NLGN1: variants seen among roughly 807,000 people sequenced by gnomAD.
NLGN1 encodes the protein neuroligin-1.
Under a neutral mutation model 65.5 loss-of-function variants are expected in NLGN1, and 12 were observed. That is an observed-to-expected ratio of 0.18 (90% CI 0.12 to 0.30). NLGN1 has a LOEUF of 0.30. Ranked by LOEUF, NLGN1 falls within the 10% of genes least tolerant of loss-of-function variation. The pLI, the probability that NLGN1 is intolerant of heterozygous loss-of-function variation, is 1.00. For synonymous variants in NLGN1, 350 were observed against 359.5 expected (o/e 0.97, Z 0.30); for missense variants, 750 against 1,007.1 (o/e 0.74, Z 3.46).
intron 2 of NLGN1, among the ~76,000 whole-genome samples, chr3:173,446,267 A>G (rs1183929509): frequency 7.6e-6 from 1 of 132,408 alleles, no homozygotes; most frequent in Non-Finnish European, 1.6e-5. Context: ...TCCTGTGTCC[A>G]TGTGTTCTCA....
At chr3:174,189,711 A>C (rs1031084954) in intron 4 of NLGN1, among the ~76,000 whole-genome samples, 2 of 133,522 alleles carry the variant, frequency 1.5e-5, no homozygotes, top group African/African-American at 5.6e-5. Context: ...AGTATCCATA[A>C]GTAGTTTGTT....
At chr3:174,248,605 T>A (rs1577577282) in intron 4 of NLGN1, among the ~76,000 whole-genome samples, 1 of 151,672 alleles carries the variant, frequency 6.6e-6, no homozygotes, top group South Asian at 2.1e-4. Flanking sequence ...ACTAAAAATA[T>A]AAAAAATTAG....
rs182443979 is a variant in NLGN1 at position 174,014,553 on chromosome 3, C to A, written c.646+206721C>A. 6.6e-5 allele frequency among the ~76,000 whole-genome samples: 10 copies of A among 152,294 alleles called. No homozygotes were observed. In the East Asian group the frequency reaches 1.9e-3, roughly 29 times the overall value. ...TCTATTAAATGCTTATTACCATCTTCCCATATTAGGTTATATTGCACTCTT... is the reference window on the plus strand; with the variant it reads ...TCTATTAAATGCTTATTACCATCTTACCATATTAGGTTATATTGCACTCTT... On this transcript the variant is annotated intron_variant, in intron 4 of 6. Coordinates refer to ENST00000457714, the Ensembl canonical transcript of NLGN1.
intron 4 of NLGN1, among the ~76,000 whole-genome samples, chr3:174,015,331 G>A (rs1441068596): frequency 1.3e-5 from 2 of 152,092 alleles, no homozygotes; most frequent in Admixed American, 6.6e-5. Context: ...GAACTCTGAG[G>A]TCAGAGAGGC....
At chr3:173,873,679 C>G (rs1731603577) in intron 4 of NLGN1, among the ~76,000 whole-genome samples, 1 of 152,106 alleles carries the variant, frequency 6.6e-6, no homozygotes, top group Admixed American at 6.5e-5. Context: ...GTTAGAATGG[C>G]CTGATCATCT....
At chr3:174,067,683 G>C (rs375414632) in intron 4 of NLGN1, among the ~76,000 whole-genome samples, 115 of 152,238 alleles carry the variant, frequency 7.6e-4, no homozygotes, top group African/African-American at 2.6e-3. Context: ...GTGCAGATCA[G>C]TTCTATTTAG....
chr3:173,483,682 A>G (rs1025973553), intron 2 of NLGN1, among the ~76,000 whole-genome samples: 2 of 152,010 alleles, frequency 1.3e-5, no homozygotes, highest in Non-Finnish European at 2.9e-5. Flanking sequence ...GAGAAAAAAG[A>G]TTTGCTGATA....
chr3:173,979,805 C>G (rs2152390933), intron 4 of NLGN1, among the ~76,000 whole-genome samples: 1 of 152,154 alleles, frequency 6.6e-6, no homozygotes, highest in South Asian at 2.1e-4. Flanking sequence ...TGCATGTATC[C>G]AGATGAGTAG....
At chr3:173,754,608 T>C (rs1430284398) in intron 3 of NLGN1, among the ~76,000 whole-genome samples, 1 of 152,134 alleles carries the variant, frequency 6.6e-6, no homozygotes, top group African/African-American at 2.4e-5. Flanking sequence ...ACTTAACATA[T>C]AGTAGACACT....
intron 1 of NLGN1, among the ~76,000 whole-genome samples, chr3:173,423,974 C>T (rs1475618106): frequency 1.3e-5 from 2 of 152,166 alleles, no homozygotes; most frequent in African/African-American, 4.8e-5. Flanking sequence ...TTTTATACAT[C>T]CTCTGAAATC....
intron 4 of NLGN1, among the ~76,000 whole-genome samples, chr3:173,812,771 ATG>A (rs1254426830): frequency 4.4e-4 from 63 of 144,406 alleles, no homozygotes; most frequent in African/African-American, 1.4e-3. Context: ...ATATATATAT[ATG>A]TGTGTGTATA....
At chr3:174,262,084 G>A (rs888067109) in intron 4 of NLGN1, among the ~76,000 whole-genome samples, 2 of 126,238 alleles carry the variant, frequency 1.6e-5, no homozygotes, top group African/African-American at 6.7e-5. Context: ...GATTCGTTTT[G>A]CCAGTATTTT....
intron 4 of NLGN1, among the ~76,000 whole-genome samples, chr3:173,896,234 A>G (rs959207923): frequency 1.3e-5 from 2 of 151,416 alleles, no homozygotes; most frequent in Non-Finnish European, 2.9e-5. Context: ...GTGCTTCTTA[A>G]TCTGTTTCCA....
At chr3:173,412,236 A>G (rs532021) in intron 1 of NLGN1, among the ~76,000 whole-genome samples, 16,560 of 152,080 alleles carry the variant, frequency 0.11, 1,176 homozygotes, top group Admixed American at 0.16. Context: ...ATGCTACCAA[A>G]AATAAAGAAT....
At chr3:174,245,611 A>T (rs778038390) in intron 4 of NLGN1, among the ~76,000 whole-genome samples, 3 of 152,156 alleles carry the variant, frequency 2.0e-5, no homozygotes, top group Non-Finnish European at 2.9e-5. Flanking sequence ...ATACATGTAA[A>T]ATTATCTCTA....
chr3:173,664,898 C>A (rs1761483607), intron 3 of NLGN1, among the ~76,000 whole-genome samples: 1 of 152,010 alleles, frequency 6.6e-6, no homozygotes, highest in Non-Finnish European at 1.5e-5. Context: ...AAACACTCCC[C>A]AAAATGCTCT....
chr3:174,068,232 A>C (rs1011557744), intron 4 of NLGN1, among the ~76,000 whole-genome samples: 1 of 152,054 alleles, frequency 6.6e-6, no homozygotes, highest in Non-Finnish European at 1.5e-5. Context: ...TCTTGAGGAC[A>C]CATTAGGTAG....
intron 3 of NLGN1, among the ~76,000 whole-genome samples, chr3:173,773,533 CT>C (rs1302555578): frequency 6.6e-6 from 1 of 151,916 alleles, no homozygotes; most frequent in Non-Finnish European, 1.5e-5. Flanking sequence ...TTTAACTTAC[CT>C]GTTTGTAATA....
intron 3 of NLGN1, among the ~76,000 whole-genome samples, chr3:173,791,345 A>C (rs981639085): frequency 6.6e-6 from 1 of 152,124 alleles, no homozygotes; most frequent in Non-Finnish European, 1.5e-5. Context: ...TCCTTACTTT[A>C]CATCTGGTTA....
Sources: allele counts gnomAD v4.1 joint callset (sites outside exome capture counted in the v4.1 genomes callset), GRCh38; gene constraint gnomAD v4.1.1; transcripts MANE v1.5; gene names NCBI Gene and HGNC (gene_info 2026-07-23, HGNC 2026-07-21).